DSCAML1: variants seen among roughly 807,000 people sequenced by gnomAD.
DSCAML1 encodes cell adhesion molecule DSCAML1.
Under a neutral mutation model 200.5 loss-of-function variants are expected in DSCAML1, and 38 were observed. The ratio of observed to expected loss-of-function variants is 0.19; its 90% CI spans 0.15 to 0.25. The LOEUF (loss-of-function observed/expected upper bound fraction) is 0.25, where lower values mean the gene tolerates loss of function less well. Among genes scored for constraint, DSCAML1 ranks in the 10% least tolerant of loss-of-function variants. The pLI is 1.00. For synonymous variants in DSCAML1, 1,215 were observed against 1,165.0 expected (o/e 1.04, Z -0.87); for missense variants, 2,223 against 2,858.8 (o/e 0.78, Z 5.07).
chr11:117,748,111 T>C (rs1486749475), intron 3 of DSCAML1, among the ~76,000 whole-genome samples: 1 of 152,212 alleles, frequency 6.6e-6, no homozygotes. Flanking sequence ...CTGAGCTTAT[T>C]GCCTCCTACA....
intron 3 of DSCAML1, among the ~76,000 whole-genome samples, chr11:117,683,282 G>C (rs1445152968): frequency 2.0e-5 from 3 of 152,222 alleles, no homozygotes; most frequent in African/African-American, 7.2e-5. Context: ...ACAGAAGACA[G>C]AGCACGGTTG....
intron 3 of DSCAML1, among the ~76,000 whole-genome samples, chr11:117,630,658 C>CCAAAAAA (rs372432882): frequency 2.2e-5 from 1 of 45,560 alleles, no homozygotes; most frequent in African/African-American, 7.7e-5. Context: ...ATAAAGTGGC[C>CCAAAAAA]AAAAAAAAAA....
chr11:117,789,047 C>T (rs573893584), intron 1 of DSCAML1, among the ~76,000 whole-genome samples: 7 of 152,348 alleles, frequency 4.6e-5, no homozygotes, highest in East Asian at 1.9e-4. Context: ...GACCAAAAAA[C>T]GCTCCCCATT....
At chr11:117,709,359 G>A (rs1481466025) in intron 3 of DSCAML1, among the ~76,000 whole-genome samples, 1 of 152,170 alleles carries the variant, frequency 6.6e-6, no homozygotes, top group Non-Finnish European at 1.5e-5. Flanking sequence ...CCTTCTTGCT[G>A]TGTCCTCACA....
chr11:117,584,744 C>T (rs955811089), intron 3 of DSCAML1, among the ~76,000 whole-genome samples: 15 of 152,180 alleles, frequency 9.9e-5, no homozygotes, highest in African/African-American at 2.7e-4. Context: ...CGGCTGTGAA[C>T]GTTGCTTGCT....
chr11:117,604,401 T>TATCC (rs1389324409), intron 3 of DSCAML1, among the ~76,000 whole-genome samples: 2 of 151,170 alleles, frequency 1.3e-5, no homozygotes, highest in African/African-American at 4.9e-5. Flanking sequence ...TGCACAGAGA[T>TATCC]CTCCCTCCCT....
intron 3 of DSCAML1, among the ~76,000 whole-genome samples, chr11:117,707,012 G>A (rs1187501904): frequency 6.6e-6 from 1 of 152,208 alleles, no homozygotes; most frequent in Non-Finnish European, 1.5e-5. Flanking sequence ...GCACCCAGGA[G>A]CAGCAGAATC....
intron 3 of DSCAML1, among the ~76,000 whole-genome samples, chr11:117,621,952 A>T (rs1565832019): frequency 6.6e-6 from 1 of 152,232 alleles, no homozygotes; most frequent in Non-Finnish European, 1.5e-5. Context: ...TTTCATAAAA[A>T]GTTTTCTATA....
intron 11 of DSCAML1, among the ~76,000 whole-genome samples, chr11:117,487,461 A>G (rs1233246340): frequency 1.3e-5 from 2 of 152,168 alleles, no homozygotes; most frequent in Non-Finnish European, 2.9e-5. Context: ...GCAAGGAAGC[A>G]ATTTGCCCAA....
At chr11:117,743,578 C>T (rs757505578) in intron 3 of DSCAML1, among the ~76,000 whole-genome samples, 8 of 152,148 alleles carry the variant, frequency 5.3e-5, no homozygotes, top group Admixed American at 2.0e-4. Context: ...CGCTGTCTGG[C>T]GTAACCACCC....
intron 3 of DSCAML1, among the ~76,000 whole-genome samples, chr11:117,569,758 T>A (rs1304866899): frequency 5.3e-5 from 8 of 152,162 alleles, no homozygotes; most frequent in African/African-American, 1.9e-4. Context: ...GACCAACAGA[T>A]GCAGTTGAAA....
In DSCAML1 at chr11:117,688,230, G is replaced by C. The variant is rs74778631; in HGVS notation, c.511+88561C>G. Among the ~76,000 whole-genome samples the C allele has an allele frequency of 5.9e-5, 9 of 152,338 alleles. No individual in the cohort carries two copies. The South Asian group carries it at 1.2e-3, about 21-fold the overall frequency. ...GCTACAGAGGTGCCAACCCCGAGGG[G>C]CAGAGAAGGCAGGGACAGGGCTGGC... On this transcript the variant is annotated intron_variant, in intron 3 of 32. Coordinates refer to ENST00000651296, the MANE Select transcript of DSCAML1 (RefSeq NM_020693.4).
rs11216435 is a variant in DSCAML1, at chr11:117,518,217, C to T, written c.1510+249G>A. On this transcript the variant is annotated intron_variant, in intron 7 of 32. Transcript: ENST00000651296. The surrounding 1 kb of genome is among the most constrained non-coding windows in gnomAD (Gnocchi z 6.3). ...GGGCTGGGCTGGCTGGATTTCTGGA[C>T]AGGAGGAAGGAGGAGGGGGAATGGG... Among the ~76,000 whole-genome samples the T allele has an allele frequency of 0.26, 39,902 of 151,446 alleles. 5,661 individuals are homozygous for T. Among genetic ancestry groups the T allele is most frequent in the South Asian group, 0.42 (1,987 of 4,776 alleles).
At chr11:117,475,053 CCT>C (rs1401562489) in intron 14 of DSCAML1, among the ~76,000 whole-genome samples, 1 of 152,152 alleles carries the variant, frequency 6.6e-6, no homozygotes, top group African/African-American at 2.4e-5. Flanking sequence ...CCGCGCCTGG[CCT>C]CTGTGTCATT....
intron 3 of DSCAML1, among the ~76,000 whole-genome samples, chr11:117,572,560 G>A (rs1228550405): frequency 6.6e-6 from 1 of 152,178 alleles, no homozygotes; most frequent in Non-Finnish European, 1.5e-5. Context: ...GTATCCTCCG[G>A]TCACACCAGC....
In DSCAML1 at chr11:117,480,358, C is replaced by T. The variant is rs1565723434; in HGVS notation, c.2785+85G>A. 6.4e-7 allele frequency: 1 copy of T among 1,567,472 alleles called. No homozygotes were observed. Among genetic ancestry groups the T allele is most frequent in the Admixed American group, 1.8e-5 (1 of 55,214 alleles). On this transcript the variant is annotated intron_variant, in intron 14 of 32. Transcript: ENST00000651296. This position sits in a 1 kb window ranked among gnomAD's most constrained non-coding sequence, Gnocchi z 4.1. ...GATGGGCAGCCCTAAGGCTCAGGGG[C>T]TCTCCTCCCAGAGGGCACAGGCAGG... is the stretch of plus-strand genomic sequence containing the variant.
At chr11:117,635,573 G>A (rs1164950223) in intron 3 of DSCAML1, among the ~76,000 whole-genome samples, 4 of 151,642 alleles carry the variant, frequency 2.6e-5, no homozygotes, top group Admixed American at 6.6e-5. Context: ...AATAATATTC[G>A]TTGAGGAGGG....
chr11:117,754,398 G>A (rs1246314620), intron 3 of DSCAML1, among the ~76,000 whole-genome samples: 1 of 152,184 alleles, frequency 6.6e-6, no homozygotes, highest in East Asian at 1.9e-4. Context: ...CTCCTTGAGA[G>A]AGGAAGCTTC....
intron 3 of DSCAML1, among the ~76,000 whole-genome samples, chr11:117,545,851 A>G (rs2050363955): frequency 6.6e-6 from 1 of 152,220 alleles, no homozygotes; most frequent in African/African-American, 2.4e-5. Flanking sequence ...GAGGAAACCG[A>G]AGCACAGCGT....
Sources: allele counts gnomAD v4.1 joint callset (sites outside exome capture counted in the v4.1 genomes callset), GRCh38; gene constraint gnomAD v4.1.1; non-coding constraint Gnocchi (gnomAD v3.1); transcripts MANE v1.5; gene names NCBI Gene and HGNC (gene_info 2026-07-23, HGNC 2026-07-21).